The following NRXN1 variants were observed in gnomAD, a reference collection of about 807,000 sequenced individuals.
The protein encoded by NRXN1 is neurexin-1.
NRXN1 carries 39 observed loss-of-function variants against 150.9 expected under a neutral mutation model. That is an observed-to-expected ratio of 0.26 (90% CI 0.20 to 0.34). The LOEUF is 0.34. NRXN1 is among the 10% of genes least tolerant of loss of function. The pLI, the probability that NRXN1 is intolerant of heterozygous loss-of-function variation, is 1.00. For synonymous variants in NRXN1, 924 were observed against 757.0 expected (o/e 1.22, Z -3.62); for missense variants, 1,815 against 1,949.9 (o/e 0.93, Z 1.30).
chr2:50,847,925 T>C (rs1673918905), intron 5 of NRXN1, among the ~76,000 whole-genome samples: 1 of 152,126 alleles, frequency 6.6e-6, no homozygotes, highest in African/African-American at 2.4e-5. Flanking sequence ...GAGCTACTTC[T>C]ACTCAATAAA....
At chr2:50,618,616 T>C (rs1199717680) in intron 8 of NRXN1, among the ~76,000 whole-genome samples, 1 of 152,020 alleles carries the variant, frequency 6.6e-6, no homozygotes, top group African/African-American at 2.4e-5. Flanking sequence ...TTGTTAGTTG[T>C]GTGACCTTCC....
Position 50,997,421 on chromosome 2 carries a change from T to C in NRXN1, c.772+30081A>G, listed in dbSNP as rs183554256. Among the ~76,000 whole-genome samples, 4 of 106,204 alleles carry C rather than the reference T, an allele frequency of 3.8e-5. No individual in the cohort carries two copies. The East Asian group carries it at 1.0e-3, about 27-fold the overall frequency. 69.7% of individuals were successfully genotyped at this position (106,204 alleles called of 152,430 possible). Reference sequence around the variant, plus strand: ...CTGCATAGAAATTAATCACAATTTCTTTAAATATGCAGGTTTTTAAAATTT... The same window carrying C: ...CTGCATAGAAATTAATCACAATTTCCTTAAATATGCAGGTTTTTAAAATTT... On this transcript the variant is annotated intron_variant, in intron 2 of 22. Coordinates refer to ENST00000401669, the MANE Select transcript of NRXN1 (RefSeq NM_001330078.2).
intron 17 of NRXN1, among the ~76,000 whole-genome samples, chr2:50,373,679 A>AAGGAAAGAAAG (rs766534624): frequency 5.9e-4 from 39 of 65,652 alleles, no homozygotes; most frequent in Admixed American, 2.1e-3. Context: ...AGAAAGAAAG[A>AAGGAAAGAAAG]AAAGAAAGAA....
chr2:50,311,349 CTATT>C (rs1464560575), intron 17 of NRXN1, among the ~76,000 whole-genome samples: 2 of 152,068 alleles, frequency 1.3e-5, no homozygotes, highest in Non-Finnish European at 2.9e-5. Flanking sequence ...TGGAGAGTCT[CTATT>C]TATAAGCTAA....
chr2:50,548,716 T>G, intron 9 of NRXN1, among the ~76,000 whole-genome samples: 1 of 150,440 alleles, frequency 6.6e-6, no homozygotes, highest in Admixed American at 6.6e-5. Flanking sequence ...ATTATGAACC[T>G]TATAAAGTGG....
chr2:50,556,771 G>C (rs1668321433), intron 8 of NRXN1, among the ~76,000 whole-genome samples: 1 of 152,034 alleles, frequency 6.6e-6, no homozygotes, highest in Non-Finnish European at 1.5e-5. Flanking sequence ...TTAAAGAATA[G>C]GAGCTTAGTA....
intron 5 of NRXN1, among the ~76,000 whole-genome samples, chr2:50,844,828 C>T (rs1673396001): frequency 6.6e-6 from 1 of 151,670 alleles, no homozygotes; most frequent in South Asian, 2.1e-4. Context: ...ATATTCACTG[C>T]ATAGTGTGGT....
chr2:50,173,870 A>G (rs938200623), intron 18 of NRXN1, among the ~76,000 whole-genome samples: 2 of 152,204 alleles, frequency 1.3e-5, no homozygotes, highest in South Asian at 2.1e-4. Context: ...GTACATTCAA[A>G]CCTTCTAATA....
chr2:50,067,570 G>C (rs1405935407), intron 19 of NRXN1, among the ~76,000 whole-genome samples: 1 of 152,096 alleles, frequency 6.6e-6, no homozygotes, highest in Non-Finnish European at 1.5e-5. Flanking sequence ...ACAAAATACA[G>C]AACTTACTCT....
intron 17 of NRXN1, among the ~76,000 whole-genome samples, chr2:50,393,987 C>T (rs575607003): frequency 1.3e-5 from 2 of 152,210 alleles, no homozygotes; most frequent in South Asian, 2.1e-4. Flanking sequence ...ACATCTGACA[C>T]GGTAGATTAT....
At chr2:51,015,612 A>T (rs1339150227) in intron 2 of NRXN1, among the ~76,000 whole-genome samples, 1 of 152,004 alleles carries the variant, frequency 6.6e-6, no homozygotes, top group Admixed American at 6.6e-5. Context: ...TTATGAAGGA[A>T]ATCAATATAT....
chr2:50,244,711 G>T (rs2066343259), intron 17 of NRXN1, among the ~76,000 whole-genome samples: 1 of 151,808 alleles, frequency 6.6e-6, no homozygotes, highest in Non-Finnish European at 1.5e-5. Flanking sequence ...GGTTACTATG[G>T]TTAATATTAT....
chr2:50,860,470 G>T (rs947238082), intron 5 of NRXN1, among the ~76,000 whole-genome samples: 1 of 152,012 alleles, frequency 6.6e-6, no homozygotes, highest in African/African-American at 2.4e-5. Context: ...GAAGGGTTGG[G>T]GTGAAAAGAT....
chr2:50,789,718 T>A (rs771914931), intron 5 of NRXN1, among the ~76,000 whole-genome samples: 19 of 151,236 alleles, frequency 1.3e-4, no homozygotes, highest in Non-Finnish European at 2.2e-4. Flanking sequence ...GGCATAACTA[T>A]TTTTTTTTAA....
intron 2 of NRXN1, among the ~76,000 whole-genome samples, chr2:50,930,106 T>C (rs1425298064): frequency 2.6e-5 from 4 of 152,218 alleles, no homozygotes; most frequent in South Asian, 4.1e-4. Flanking sequence ...CCTTTTTCAA[T>C]CCCAGCTAAA....
intron 18 of NRXN1, among the ~76,000 whole-genome samples, chr2:50,209,802 T>C (rs1361900842): frequency 6.9e-6 from 1 of 145,530 alleles, no homozygotes; most frequent in Admixed American, 7.1e-5. Flanking sequence ...CTTGTTGCAA[T>C]AAAAAATAAA....
chr2:50,777,569 T>C (rs1036962427), intron 5 of NRXN1, among the ~76,000 whole-genome samples: 7 of 152,138 alleles, frequency 4.6e-5, no homozygotes, highest in African/African-American at 1.7e-4. Context: ...CCAAGTACCA[T>C]AAAACCAAGC....
intron 8 of NRXN1, among the ~76,000 whole-genome samples, chr2:50,600,321 C>CTTTT (rs779234312): frequency 2.3e-4 from 28 of 120,224 alleles, no homozygotes; most frequent in East Asian, 5.2e-4. Flanking sequence ...TTAAGACTAG[C>CTTTT]TTTTTTTTTT....
At chr2:50,511,758 T>A (rs1476650085) in intron 12 of NRXN1, among the ~76,000 whole-genome samples, 1 of 152,180 alleles carries the variant, frequency 6.6e-6, no homozygotes, top group East Asian at 1.9e-4. Context: ...TATATGTGTG[T>A]ATGTGGGTGT....
Sources: allele counts gnomAD v4.1 joint callset (sites outside exome capture counted in the v4.1 genomes callset), GRCh38; gene constraint gnomAD v4.1.1; transcripts MANE v1.5; gene names NCBI Gene and HGNC (gene_info 2026-07-23, HGNC 2026-07-21).